Variants in ADGRF1 observed in about 807,000 individuals in gnomAD.
ADGRF1 encodes adhesion G protein-coupled receptor F1.
A neutral mutation model predicts 87.2 loss-of-function variants in ADGRF1; 85 were observed. That is an observed-to-expected ratio of 0.97 (90% CI 0.82 to 1.17). The LOEUF (loss-of-function observed/expected upper bound fraction) is 1.17, where lower values mean the gene tolerates loss of function less well. Ranked by LOEUF, ADGRF1 falls within the 50% of genes most tolerant of loss-of-function variation. The pLI is 0.00. For synonymous variants in ADGRF1, 430 were observed against 408.8 expected, an observed-to-expected ratio of 1.05 and a Z score of -0.63; for missense variants, 1,169 against 1,077.2, an observed-to-expected ratio of 1.09 and a Z score of -1.19.
In ADGRF1 at chr6:47,001,380, G is replaced by A. The variant is rs1779359325; in HGVS notation, c.2659+121C>T. The A allele has an allele frequency of 1.1e-5, 8 of 756,622 alleles. No individual in the cohort carries two copies. In the East Asian group the frequency reaches 2.3e-4, roughly 22 times the overall value. The allele number at this position is 756,622 out of a possible 1,614,324, so 46.9% of individuals were successfully genotyped here. ...CTGGATGAACTCTGAAAACATGGCT[G>A]GCTGATAATCCCACACTTCTCACAT... On this transcript the variant is annotated intron_variant, in intron 14 of 14. Coordinates refer to ENST00000371253, the MANE Select transcript of ADGRF1 (RefSeq NM_153840.4).
At chr6:47,034,830 A>G (rs567199990) in intron 1 of ADGRF1, among the ~76,000 whole-genome samples, 34 of 152,296 alleles carry the variant, frequency 2.2e-4, no homozygotes, top group African/African-American at 7.7e-4. Context: ...TTTCCATCCC[A>G]GAATTGAGAT....
chr6:47,020,992 A>T (rs1344643952), intron 6 of ADGRF1, among the ~76,000 whole-genome samples: 4 of 152,252 alleles, frequency 2.6e-5, no homozygotes, highest in Admixed American at 1.3e-4. Context: ...ACACATATCC[A>T]TACATATACA....
At chr6:47,038,323 AT>A (rs1433629317) in intron 1 of ADGRF1, among the ~76,000 whole-genome samples, 4 of 152,176 alleles carry the variant, frequency 2.6e-5, no homozygotes, top group African/African-American at 7.2e-5. Context: ...GCTGGAATTT[AT>A]TTAGGTTTTC....
chr6:47,035,089 AG>A (rs1561883043), intron 1 of ADGRF1, among the ~76,000 whole-genome samples: 1 of 152,266 alleles, frequency 6.6e-6, no homozygotes. Flanking sequence ...ACAGAAGACC[AG>A]TCCAGCTCGT....
At chr6:47,003,743 T>A (rs1779432357) in intron 13 of ADGRF1, among the ~76,000 whole-genome samples, 1 of 152,190 alleles carries the variant, frequency 6.6e-6, no homozygotes, top group South Asian at 2.1e-4. Context: ...TGACTGATGT[T>A]TATGTCTCCC....
chr6:47,022,087 C>A (rs772275168), intron 5 of ADGRF1, 29 bp from the exon 6 acceptor site: 1 of 1,257,252 alleles, frequency 8.0e-7, no homozygotes, highest in Admixed American at 2.3e-5. Flanking sequence ...AGTTTATAGA[C>A]ATAATAAATT....
In ADGRF1 at chr6:47,000,126, A is replaced by ACCCGAT; in HGVS notation, c.*90_*95dup. The ACCCGAT allele has an allele frequency of 1.1e-6, 1 of 900,938 alleles. No individual in the cohort carries two copies. The highest frequency in any genetic ancestry group is 1.8e-6 in the Non-Finnish European group (1 of 559,760). 55.8% of individuals were successfully genotyped at this position (900,938 alleles called of 1,614,324 possible). A position where few individuals can be genotyped will look rare whatever the true frequency, so the allele number is the denominator to read the frequency against. On this transcript the variant is annotated 3_prime_UTR_variant, in exon 15 of 15. Coordinates refer to ENST00000371253, the MANE Select transcript of ADGRF1 (RefSeq NM_153840.4). ...TATTCCCAGACCCCTAAATCAGAAA[A>ACCCGAT]CCCGATCGAATACTGAGCATAATTT...
At position 47,007,252 on chromosome 6, in the gene ADGRF1, C is replaced by T; in HGVS notation, c.2532+1G>A. 1 of 1,544,908 alleles carries T rather than the reference C, an allele frequency of 6.5e-7. No individual in the cohort carries two copies. The highest frequency in any genetic ancestry group is 8.9e-7 in the Non-Finnish European group (1 of 1,120,522). On this transcript the variant is annotated splice_donor_variant, in intron 12 of 14. Coordinates refer to ENST00000371253, the MANE Select transcript of ADGRF1 (RefSeq NM_153840.4). LOFTEE classifies it high-confidence loss of function. Reference sequence around the variant, plus strand: ...TTAATGAGAGAAATAAATACACATACCTTACTGTCCAAGAGTATTCCAAAG... The same window carrying T: ...TTAATGAGAGAAATAAATACACATATCTTACTGTCCAAGAGTATTCCAAAG...
At chr6:47,031,679 A>G (rs1780436949) in intron 1 of ADGRF1, among the ~76,000 whole-genome samples, 1 of 152,142 alleles carries the variant, frequency 6.6e-6, no homozygotes, top group Admixed American at 6.6e-5. Flanking sequence ...GTCTCACCCT[A>G]AACCTACTAA....
chr6:47,004,123 C>T (rs1160419502), intron 13 of ADGRF1, among the ~76,000 whole-genome samples: 1 of 152,178 alleles, frequency 6.6e-6, no homozygotes, highest in Non-Finnish European at 1.5e-5. Flanking sequence ...AACTTCAACT[C>T]TAGCCTGTCA....
At chr6:47,020,684 G>C (rs201023227) in intron 7 of ADGRF1, 47 bp downstream of exon 7, 2 of 1,600,896 alleles carry the variant, frequency 1.2e-6, no homozygotes, top group Non-Finnish European at 1.7e-6. Context: ...TTGCAGAACT[G>C]GTGCCCAATT....
rs1387231834 is a variant in ADGRF1 at position 47,010,108 on chromosome 6, T to A, written c.1327A>T (p.Arg443Trp). 6.2e-7 allele frequency: 1 copy of A among 1,614,030 alleles called. No individual in the cohort carries two copies. The highest frequency in any genetic ancestry group is 1.3e-5 in the African/African-American group (1 of 74,930). Residue 443 changes from arginine (R) to tryptophan (W), a missense_variant, in exon 11 of 15, where the codon AGG (arginine) becomes TGG (tryptophan). Physicochemically the swap from Arg to Trp is moderately radical, Grantham distance 101. Transcript: ENST00000371253. ...ATTTTAATCTGATAGCTGTAACCCC[T>A]TTTGAGTTGGCTTTTGTTCACTGGA... ...GIPVNKSQLK[R>W]GYSYQIKMCP... is the part of the protein sequence containing the mutation.
intron 13 of ADGRF1, among the ~76,000 whole-genome samples, chr6:47,005,108 A>G (rs1038649282): frequency 6.6e-6 from 1 of 152,254 alleles, no homozygotes; most frequent in Non-Finnish European, 1.5e-5. Context: ...TCTCTGCTTT[A>G]GAACTCCTTC....
In ADGRF1 at chr6:47,012,083, G is replaced by A. The variant is rs779914905; in HGVS notation, c.1040C>T (p.Ser347Leu). The A allele has an allele frequency of 8.7e-6, 14 of 1,613,952 alleles. No individual in the cohort carries two copies. Among genetic ancestry groups the A allele is most frequent in the African/African-American group, 5.3e-5 (4 of 74,922 alleles). Residue 347 changes from serine to leucine, a missense_variant, in exon 10 of 15, where the codon TCG becomes TTG. By Grantham distance (145) the Ser-to-Leu change is moderately radical (BLOSUM62 -2). Transcript: ENST00000371253. The stretch of plus-strand genomic sequence containing the variant: ...AATATTGCTCAGAATCGACACCACC[G>A]AAGCCAGATTCCCCACTGTGGTTGA... Reference protein sequence around the residue: ...NPSTTVGNLASVVSILSNISS... With the variant: ...NPSTTVGNLALVVSILSNISS...
chr6:47,032,172 T>TA (rs1010376923), intron 1 of ADGRF1, among the ~76,000 whole-genome samples: 3 of 151,888 alleles, frequency 2.0e-5, no homozygotes, highest in Non-Finnish European at 4.4e-5. Context: ...CCCTCCTCCT[T>TA]AAAAAAATAA....
At chr6:47,024,299 G>T in intron 4 of ADGRF1, 82 bp from the exon 5 acceptor site, 1 of 1,014,128 alleles carries the variant, frequency 9.9e-7, no homozygotes, top group Non-Finnish European at 1.4e-6. Context: ...TTTTATATAT[G>T]TTTATTTTTC....
chr6:47,031,198 G>T (rs922866932), intron 1 of ADGRF1, among the ~76,000 whole-genome samples: 5 of 152,030 alleles, frequency 3.3e-5, no homozygotes, highest in African/African-American at 1.2e-4. Context: ...CTGCCTCTTT[G>T]TGCCAGTCTG....
Position 47,031,744 on chromosome 6 carries a change from G to A in ADGRF1, c.-43-2640C>T, listed in dbSNP as rs117367493. Among the ~76,000 whole-genome samples, 698 of 152,164 alleles carry A rather than the reference G, an allele frequency of 4.6e-3. 4 individuals carry two copies. The highest frequency in any genetic ancestry group is 0.02 in the East Asian group (102 of 5,180). On this transcript the variant is annotated intron_variant, in intron 1 of 14. Transcript: ENST00000371253. ...TATTATAATTATAATTATTATTATC[G>A]AGACATGTTCTTGCTCTGTCACCCA...
Position 47,000,070 on chromosome 6 carries a change from C to A in ADGRF1, c.*152G>T. The A allele has an allele frequency of 1.7e-6, 1 of 571,896 alleles. No individual in the cohort carries two copies. The highest frequency in any genetic ancestry group is 3.2e-6 in the Non-Finnish European group (1 of 317,160). 35.4% of individuals were successfully genotyped at this position (571,896 alleles called of 1,614,324 possible). A position where few individuals can be genotyped will look rare whatever the true frequency, so the allele number is the denominator to read the frequency against. ...TCATTTAATTGAAGACAAAAGGGAG[C>A]AGTAATGAAGCCACTGAGACATTCT... On this transcript the variant is annotated 3_prime_UTR_variant, in exon 15 of 15. Coordinates refer to ENST00000371253, the MANE Select transcript of ADGRF1 (RefSeq NM_153840.4).
Sources: gnomAD v4.1 joint callset for allele counts (sites outside exome capture counted in the v4.1 genomes callset) on GRCh38, gnomAD v4.1.1 for gene constraint, MANE v1.5 for transcripts, NCBI Gene and HGNC (gene_info 2026-07-23, HGNC 2026-07-21) for gene names.